Variants in MACC1 observed in about 807,000 individuals in gnomAD.
MACC1 encodes MET transcriptional regulator MACC1.
Under a neutral mutation model 70.7 loss-of-function variants are expected in MACC1, and 79 were observed. The observed-to-expected ratio is 1.12, with a 90% confidence interval of 0.93 to 1.35. MACC1 has a LOEUF of 1.35. MACC1 is among the 40% of genes most tolerant of loss of function. The probability of loss-of-function intolerance (pLI) is 0.00; values close to 1 mark genes in which losing one functional copy is unlikely to be tolerated. For missense variants in MACC1, 1,106 were observed against 978.1 expected (o/e 1.13, Z -1.74); for synonymous variants, 361 against 347.2 (o/e 1.04, Z -0.44).
chr7:20,208,889 T>C (rs991876859), intron 1 of MACC1, among the ~76,000 whole-genome samples: 3 of 152,188 alleles, frequency 2.0e-5, no homozygotes, highest in African/African-American at 7.2e-5. Flanking sequence ...TGGTTCCCTG[T>C]GTCCCAGCTG....
chr7:20,209,098 C>G (rs73278533), intron 1 of MACC1, among the ~76,000 whole-genome samples: 1,833 of 152,278 alleles, frequency 0.012, 45 homozygotes, highest in African/African-American at 0.042. Flanking sequence ...CAGAAGTTTG[C>G]TACAGGGATG....
At chr7:20,164,891 C>G (rs1418057382) in intron 2 of MACC1, among the ~76,000 whole-genome samples, 2 of 96,478 alleles carry the variant, frequency 2.1e-5, no homozygotes, top group Non-Finnish European at 4.1e-5. Context: ...ACTACCTAAA[C>G]TCTTTTTTTT....
At position 20,158,906 on chromosome 7, in the gene MACC1, AAAATC is replaced by A; in HGVS notation, c.1450_1454del (p.Asp484LeufsTer10). ...CATTGGGAGGCTCCACTTGAACACA[AAAATC>A]AAACAAGTGCATCTCTCTGTGCTCA... On this transcript the variant is annotated frameshift_variant, in exon 5 of 7. Coordinates refer to ENST00000400331, the MANE Select transcript of MACC1 (RefSeq NM_182762.4). LOFTEE classifies it high-confidence loss of function. The A allele has an allele frequency of 6.2e-7, 1 of 1,614,046 alleles. No individual in the cohort carries two copies. The highest frequency in any genetic ancestry group is 2.2e-5 in the East Asian group (1 of 44,866).
At chr7:20,189,165 C>A (rs1161048435) in intron 1 of MACC1, among the ~76,000 whole-genome samples, 1 of 152,150 alleles carries the variant, frequency 6.6e-6, no homozygotes, top group Non-Finnish European at 1.5e-5. Context: ...TGAGGACTTT[C>A]CTGGCCTCCT....
chr7:20,198,119 G>A (rs1782782550), intron 1 of MACC1, among the ~76,000 whole-genome samples: 1 of 152,212 alleles, frequency 6.6e-6, no homozygotes, highest in South Asian at 2.1e-4. Flanking sequence ...TGATGTCTGG[G>A]TATTGGCAAG....
intron 1 of MACC1, among the ~76,000 whole-genome samples, chr7:20,179,734 G>A (rs550359749): frequency 6.6e-6 from 1 of 152,148 alleles, no homozygotes; most frequent in Admixed American, 6.5e-5. Flanking sequence ...TGGGGGTTAA[G>A]GGTAGCTGAC....
At chr7:20,212,056 AAAG>A (rs1234734634) in intron 1 of MACC1, among the ~76,000 whole-genome samples, 5 of 152,250 alleles carry the variant, frequency 3.3e-5, no homozygotes, top group African/African-American at 1.2e-4. Context: ...AGCATTTAAA[AAAG>A]AAAAGAATAA....
At chr7:20,171,986 G>C (rs953382454) in intron 1 of MACC1, among the ~76,000 whole-genome samples, 1 of 152,078 alleles carries the variant, frequency 6.6e-6, no homozygotes, top group Admixed American at 6.5e-5. Flanking sequence ...CTGAGGATTG[G>C]GACAAGTGAT....
chr7:20,162,161 C>G (rs545736036), intron 3 of MACC1, among the ~76,000 whole-genome samples: 2 of 151,934 alleles, frequency 1.3e-5, no homozygotes, highest in Non-Finnish European at 2.9e-5. Flanking sequence ...ACAACAACAA[C>G]AAAAAAGTAA....
intron 4 of MACC1, among the ~76,000 whole-genome samples, chr7:20,160,956 T>C (rs1782131238): frequency 6.6e-6 from 1 of 152,160 alleles, no homozygotes; most frequent in African/African-American, 2.4e-5. Context: ...AAGCTTGCAA[T>C]GGCAAATAAT....
At chr7:20,211,814 A>G (rs1156704533) in intron 1 of MACC1, among the ~76,000 whole-genome samples, 1 of 152,138 alleles carries the variant, frequency 6.6e-6, no homozygotes, top group Non-Finnish European at 1.5e-5. Flanking sequence ...AATGTACTAT[A>G]ATATTTTATA....
chr7:20,181,312 A>G (rs1344925591), intron 1 of MACC1, among the ~76,000 whole-genome samples: 1 of 152,108 alleles, frequency 6.6e-6, no homozygotes, highest in Non-Finnish European at 1.5e-5. Context: ...TGTAACAAGC[A>G]TTATATTGAT....
chr7:20,173,353 AAATTT>A (rs1782340893), intron 1 of MACC1, among the ~76,000 whole-genome samples: 1 of 152,230 alleles, frequency 6.6e-6, no homozygotes, highest in Non-Finnish European at 1.5e-5. Context: ...GATAAAGGAA[AAATTT>A]ACAGCTCTCT....
chr7:20,189,045 C>G (rs1782633663), intron 1 of MACC1, among the ~76,000 whole-genome samples: 1 of 151,966 alleles, frequency 6.6e-6, no homozygotes, highest in South Asian at 2.1e-4. Context: ...ATGTTCTTGC[C>G]TTAGGGCCTT....
rs556861958 is a variant in MACC1 at position 20,134,658 on chromosome 7, G to T, written c.*6288C>A. On this transcript the variant is annotated 3_prime_UTR_variant, in exon 7 of 7. Transcript: ENST00000400331. ...ATAACTTAATCATAACTAAAGATTT[G>T]ATTTTTCAATGACTCACTCTATTTT... The T allele has an allele frequency of 6.6e-6, 1 of 152,280 alleles. No homozygotes were observed. Among genetic ancestry groups the T allele is most frequent in the Non-Finnish European group, 1.5e-5 (1 of 68,020 alleles). The allele number at this position is 152,280 out of a possible 1,614,324, so 9.4% of individuals were successfully genotyped here.
intron 1 of MACC1, among the ~76,000 whole-genome samples, chr7:20,181,817 C>G (rs1050009138): frequency 1.3e-5 from 2 of 151,998 alleles, no homozygotes; most frequent in African/African-American, 4.8e-5. Context: ...AAACATAGAA[C>G]TTTCAAAAGA....
chr7:20,141,961 C>T (rs1476760193), intron 6 of MACC1: 1 of 151,934 alleles, frequency 6.6e-6, no homozygotes, highest in Non-Finnish European at 1.5e-5. Context: ...ACACACGTCA[C>T]ACACACAGCA....
rs750974635 is a variant in MACC1 at position 20,159,449 on chromosome 7, G to A, written c.912C>T (p.Val304=). ...AEVRKDPFSQ[V]MTEMVCLHSL... is the part of the protein sequence containing the mutation. ...TGTGTAAACACACCATTTCTGTCAT[G>A]ACTTGGCTGAAAGGATCCTTTCTTA... The change falls in exon 5 of 7, where the codon GTC becomes GTT. Residue 304 remains valine, a synonymous_variant. Coordinates refer to ENST00000400331, the MANE Select transcript of MACC1 (RefSeq NM_182762.4). The A allele has an allele frequency of 6.2e-7, 1 of 1,613,956 alleles. No homozygotes were observed. The highest frequency in any genetic ancestry group is 8.5e-7 in the Non-Finnish European group (1 of 1,180,006).
At chr7:20,194,410 G>C (rs770607144) in intron 1 of MACC1, among the ~76,000 whole-genome samples, 2 of 152,132 alleles carry the variant, frequency 1.3e-5, no homozygotes, top group Non-Finnish European at 2.9e-5. Context: ...TGATGTGTTT[G>C]TTCTTTCTAG....
Sources: allele counts gnomAD v4.1 joint callset (sites outside exome capture counted in the v4.1 genomes callset), GRCh38; gene constraint gnomAD v4.1.1; transcripts MANE v1.5; gene names NCBI Gene and HGNC (gene_info 2026-07-23, HGNC 2026-07-21).